The following RDH13 variants were observed in gnomAD, a reference collection of about 807,000 sequenced individuals.
RDH13 encodes the protein retinol dehydrogenase 13, also known as retinol dehydrogenase 13 (all-trans and 9-cis).
Under a neutral mutation model 28.3 loss-of-function variants are expected in RDH13, and 35 were observed. The observed-to-expected ratio is 1.24, with a 90% CI of 0.95 to 1.64. The LOEUF is 1.64. Among genes scored for constraint, RDH13 ranks in the 40% most tolerant of loss-of-function variants. RDH13 has a pLI of 0.00. For synonymous variants in RDH13, 229 were observed against 198.5 expected (o/e 1.15, Z -1.29); for missense variants, 514 against 446.3 (o/e 1.15, Z -1.37).
downstream of RDH13, among the ~76,000 whole-genome samples, chr19:55,043,948 GCT>G (rs1484532233): frequency 9.6e-5 from 14 of 145,216 alleles, no homozygotes; most frequent in East Asian, 2.0e-4. Flanking sequence ...ACGGAATCTT[GCT>G]CTGTCACCCA....
intron 1 of RDH13, among the ~76,000 whole-genome samples, chr19:55,060,811 G>A (rs1053523741): frequency 4.6e-5 from 7 of 152,150 alleles, no homozygotes; most frequent in African/African-American, 1.7e-4. Flanking sequence ...GCAACAGAGC[G>A]AGACTCTGTC....
chr19:55,043,683 G>A (rs1015356401), downstream of RDH13, among the ~76,000 whole-genome samples: 2 of 152,050 alleles, frequency 1.3e-5, no homozygotes, highest in African/African-American at 4.8e-5. Flanking sequence ...TGTGTACTGT[G>A]GGATATTGAG....
rs561814225 is a variant in RDH13, at chr19:55,062,447, C to G, written c.65+521G>C. 1.3e-4 allele frequency among the ~76,000 whole-genome samples: 20 copies of G among 152,242 alleles called. No individual in the cohort carries two copies. The South Asian group carries it at 4.1e-3, about 32-fold the overall frequency. ...TCTGTAATCCCAGCACTTTGGAGGCCGAGGCAGGCGGATCACCTGAGGGCA... is the reference window on the plus strand; with the variant it reads ...TCTGTAATCCCAGCACTTTGGAGGCGGAGGCAGGCGGATCACCTGAGGGCA... On this transcript the variant is annotated intron_variant, in intron 1 of 6. Transcript: ENST00000415061.
intron 6 of RDH13, 85 bp from the exon 7 acceptor site, chr19:55,045,394 T>A: frequency 6.8e-6 from 7 of 1,033,140 alleles, no homozygotes; most frequent in Non-Finnish European, 8.6e-6. Flanking sequence ...GAGCTCCGGG[T>A]CCCTGGAGTC....
At chr19:55,048,804 C>A in intron 3 of RDH13, 41 bp from the exon 4 acceptor site, 1 of 1,536,658 alleles carries the variant, frequency 6.5e-7, no homozygotes, top group Non-Finnish European at 9.0e-7. Context: ...CCGGTGAGGA[C>A]AGACCCCAGC....
chr19:55,042,990 G>A (rs2075082728), downstream of RDH13: 1 of 152,240 alleles, frequency 6.6e-6, no homozygotes, highest in Non-Finnish European at 1.5e-5. Context: ...CTAGAAGCCA[G>A]TCGCTACATC....
intron 6 of RDH13, among the ~76,000 whole-genome samples, chr19:55,045,964 A>G (rs1255746486): frequency 2.6e-4 from 26 of 101,320 alleles, no homozygotes; most frequent in Admixed American, 3.4e-4. Context: ...AAAAAAAAAA[A>G]GGGCTGGGCG....
chr19:55,062,944 C>T, intron 1 of RDH13, 24 bp downstream of exon 1: 1 of 1,443,176 alleles, frequency 6.9e-7, no homozygotes, highest in Non-Finnish European at 9.1e-7. Context: ...CTTGACCGCG[C>T]ACGCGGGGCT....
chr19:55,042,187 A>G (rs895205284), downstream of RDH13: 10 of 148,690 alleles, frequency 6.7e-5, no homozygotes, highest in African/African-American at 2.5e-4. Context: ...AGTAAAAACC[A>G]CTTCCTTTGC....
At chr19:55,053,043 G>A (rs781577535) in intron 3 of RDH13, among the ~76,000 whole-genome samples, 1 of 152,098 alleles carries the variant, frequency 6.6e-6, no homozygotes, top group Non-Finnish European at 1.5e-5. Flanking sequence ...ACAAGGCTGT[G>A]GGTACCTGCT....
At chr19:55,056,523 G>A in intron 3 of RDH13, 130 bp downstream of exon 3, 2 of 1,131,814 alleles carry the variant, frequency 1.8e-6, no homozygotes, top group African/African-American at 1.6e-5. Flanking sequence ...GGCAGCAACT[G>A]GACTTGGCCC....
At chr19:55,062,928 G>T in intron 1 of RDH13, 40 bp downstream of exon 1, 3 of 1,410,696 alleles carry the variant, frequency 2.1e-6, no homozygotes, top group South Asian at 3.0e-5. Context: ...TGCGCTGGGG[G>T]CCCGCCTTGA....
In RDH13 at chr19:55,047,432, T is replaced by C; in HGVS notation, c.715A>G (p.Arg239Gly). Residue 239 changes from arginine to glycine, a missense_variant, in exon 6 of 7, where the codon AGA (arginine) becomes GGA (glycine). Transcript: ENST00000415061. ...HPGVARTELG[R>G]HTGIHGSTFS... ...GTGGAGCCATGGATGCCCGTGTGTC[T>C]GCCCAGCTCTGTCCTGGCCACGCCG... 2 of 1,611,444 alleles carry C rather than the reference T, an allele frequency of 1.2e-6. No individual in the cohort carries two copies. The highest frequency in any genetic ancestry group is 1.7e-6 in the Non-Finnish European group (2 of 1,179,940).
intron 1 of RDH13, among the ~76,000 whole-genome samples, chr19:55,059,592 G>A (rs568014648): frequency 6.7e-6 from 1 of 148,210 alleles, no homozygotes; most frequent in Non-Finnish European, 1.5e-5. Flanking sequence ...GGGGTGGGGG[G>A]GGGCGGGGGC....
At chr19:55,052,925 G>C (rs531132681) in intron 3 of RDH13, among the ~76,000 whole-genome samples, 2 of 149,346 alleles carry the variant, frequency 1.3e-5, no homozygotes, top group Admixed American at 6.7e-5. Flanking sequence ...GCCTCCCAAA[G>C]TGCTGGGATT....
In RDH13 at chr19:55,047,498, AAAG is replaced by A. The variant is rs747833779; in HGVS notation, c.659-13_659-11del. On this transcript the variant is annotated splice_polypyrimidine_tract_variant and intron_variant, in intron 5 of 6. Coordinates refer to ENST00000415061, the MANE Select transcript of RDH13 (RefSeq NM_001145971.2). ...ACAGTCACACCAGAGCCTGGGGAAG[AAAG>A]AAAGAGAAGACTGAGGGAGGGGTCC... The A allele has an allele frequency of 8.1e-6, 13 of 1,600,244 alleles. No homozygotes were observed. Among genetic ancestry groups the A allele is most frequent in the Non-Finnish European group, 1.1e-5 (13 of 1,178,114 alleles).
chr19:55,060,387 G>A lies in RDH13; in HGVS notation c.66-1112C>T, dbSNP rs1170366549. ...TCAATCTGGCCTACGTGCACGTCCA[G>A]GCATAGTACCTTCCCTTGAACTTAA... On this transcript the variant is annotated intron_variant, in intron 1 of 6. Coordinates refer to ENST00000415061, the MANE Select transcript of RDH13 (RefSeq NM_001145971.2). 2.6e-5 allele frequency among the ~76,000 whole-genome samples: 4 copies of A among 152,128 alleles called. No homozygotes were observed. In the South Asian group the frequency reaches 8.3e-4, roughly 31 times the overall value.
downstream of RDH13, chr19:55,041,892 G>A (rs1293927163): frequency 2.0e-5 from 3 of 152,260 alleles, no homozygotes; most frequent in East Asian, 5.8e-4. Context: ...CGAACAGCCT[G>A]ACTAGGAAGC....
intron 3 of RDH13, among the ~76,000 whole-genome samples, chr19:55,052,354 G>A (rs1602742716): frequency 6.6e-6 from 1 of 151,546 alleles, no homozygotes; most frequent in Non-Finnish European, 1.5e-5. Context: ...GTTGCAGCCT[G>A]ACCAACAGGA....
Sources: gnomAD v4.1 joint callset for allele counts (sites outside exome capture counted in the v4.1 genomes callset) on GRCh38, gnomAD v4.1.1 for gene constraint, MANE v1.5 for transcripts, NCBI Gene and HGNC (gene_info 2026-07-23, HGNC 2026-07-21) for gene names.